Variants in SLC30A9 observed in about 807,000 individuals in gnomAD.
SLC30A9 encodes proton-coupled zinc antiporter SLC30A9, mitochondrial.
Under a neutral mutation model 87.5 loss-of-function variants are expected in SLC30A9, and 58 were observed. The ratio of observed to expected loss-of-function variants is 0.66; its 90% CI spans 0.54 to 0.82. The LOEUF is 0.82. SLC30A9 is among the 40% of genes least tolerant of loss of function. The pLI is 0.00. For missense variants in SLC30A9, 557 were observed against 679.1 expected (o/e 0.82, Z 2.00); for synonymous variants, 234 against 233.0 (o/e 1.00, Z -0.04).
chr4:41,999,964 G>A (rs1714906335), intron 1 of SLC30A9, among the ~76,000 whole-genome samples: 1 of 152,008 alleles, frequency 6.6e-6, no homozygotes, highest in Non-Finnish European at 1.5e-5. Context: ...ATTAATATTG[G>A]TGCAGGTAGA....
In SLC30A9 at chr4:41,991,327, C is replaced by A. The variant is rs568388199; in HGVS notation, c.109+567C>A. Among the ~76,000 whole-genome samples, 6 of 152,372 alleles carry A rather than the reference C, an allele frequency of 3.9e-5. No homozygotes were observed. In the South Asian group the frequency reaches 1.2e-3, roughly 32 times the overall value. ...GGGTCCGAAAAACAAAGAAACTCTT[C>A]AGTTCGGCTGAGCAGTCTTTTTGGT... On this transcript the variant is annotated intron_variant, in intron 1 of 17. Coordinates refer to ENST00000264451, the MANE Select transcript of SLC30A9 (RefSeq NM_006345.4).
rs1241650966 is a variant in SLC30A9 at position 42,086,936 on chromosome 4, G to A, written c.*810G>A. ...GTACCATAATGTTTATTTACTGGAA[G>A]ATAATGCATTTATAAGCATTTTAAA... On this transcript the variant is annotated 3_prime_UTR_variant, in exon 18 of 18. Coordinates refer to ENST00000264451, the MANE Select transcript of SLC30A9 (RefSeq NM_006345.4). 6.6e-6 allele frequency: 1 copy of A among 152,080 alleles called. No individual in the cohort carries two copies. The highest frequency in any genetic ancestry group is 1.5e-5 in the Non-Finnish European group (1 of 68,006). The allele number at this position is 152,080 out of a possible 1,614,324, so 9.4% of individuals were successfully genotyped here.
At chr4:41,999,271 A>T (rs915630151) in intron 1 of SLC30A9, among the ~76,000 whole-genome samples, 11 of 152,344 alleles carry the variant, frequency 7.2e-5, no homozygotes, top group African/African-American at 1.9e-4. Flanking sequence ...TGACTTTCCT[A>T]TATGAACTAC....
chr4:42,066,790 G>C (rs1271939642), intron 13 of SLC30A9, among the ~76,000 whole-genome samples, 169 bp downstream of exon 13: 3 of 152,104 alleles, frequency 2.0e-5, no homozygotes, highest in Non-Finnish European at 4.4e-5. Flanking sequence ...ATGTAGTATA[G>C]AAATTTGAAC....
intron 9 of SLC30A9, among the ~76,000 whole-genome samples, chr4:42,055,738 C>T (rs1015514812): frequency 6.6e-6 from 1 of 152,196 alleles, no homozygotes. Flanking sequence ...ATGGTTCTTT[C>T]TCTGTCTTCT....
chr4:42,033,855 A>G (rs147602224), intron 6 of SLC30A9, among the ~76,000 whole-genome samples: 2,660 of 152,292 alleles, frequency 0.017, 28 homozygotes, highest in African/African-American at 0.027. Context: ...GATTACAGGC[A>G]TGAGCCACCG....
chr4:42,065,051 A>G (rs2153140098), intron 11 of SLC30A9, among the ~76,000 whole-genome samples: 1 of 152,306 alleles, frequency 6.6e-6, no homozygotes, highest in African/African-American at 2.4e-5. Context: ...TTTTCTTGGT[A>G]TTAGGCATGG....
intron 14 of SLC30A9, among the ~76,000 whole-genome samples, chr4:42,067,728 C>G (rs1718138508): frequency 6.6e-6 from 1 of 152,186 alleles, no homozygotes; most frequent in Non-Finnish European, 1.5e-5. Context: ...TTTCTTTGGG[C>G]ACCCCAACTT....
chr4:42,017,821 A>G (rs1030318385), intron 2 of SLC30A9, among the ~76,000 whole-genome samples: 9 of 152,092 alleles, frequency 5.9e-5, no homozygotes, highest in Non-Finnish European at 1.3e-4. Flanking sequence ...AGAAATTCCT[A>G]TTTGTCCTAA....
intron 17 of SLC30A9, among the ~76,000 whole-genome samples, chr4:42,083,100 T>C (rs1422720231): frequency 2.0e-5 from 3 of 152,192 alleles, no homozygotes; most frequent in African/African-American, 7.2e-5. Context: ...TAATGGAAAT[T>C]AGTTCATTGG....
chr4:42,026,799 C>A (rs1378812575), intron 6 of SLC30A9, among the ~76,000 whole-genome samples: 1 of 150,830 alleles, frequency 6.6e-6, no homozygotes, highest in Non-Finnish European at 1.5e-5. Flanking sequence ...ACTGCCAGTT[C>A]ATTTTAATCT....
At chr4:42,010,989 A>G (rs908714512) in intron 2 of SLC30A9, among the ~76,000 whole-genome samples, 3 of 152,156 alleles carry the variant, frequency 2.0e-5, no homozygotes, top group African/African-American at 7.2e-5. Flanking sequence ...CCCCCACAGA[A>G]GGAGACTGAA....
chr4:42,007,352 A>T (rs904196813), intron 2 of SLC30A9, among the ~76,000 whole-genome samples: 6 of 152,184 alleles, frequency 3.9e-5, no homozygotes, highest in African/African-American at 9.6e-5. Flanking sequence ...CTTGGTTTGC[A>T]CATCTGAATT....
At chr4:42,037,700 C>T (rs1716748264) in intron 7 of SLC30A9, among the ~76,000 whole-genome samples, 1 of 152,084 alleles carries the variant, frequency 6.6e-6, no homozygotes, top group African/African-American at 2.4e-5. Flanking sequence ...ATTGGCTATC[C>T]AGTTTCATTA....
At chr4:42,017,032 G>A (rs1260183244) in intron 2 of SLC30A9, among the ~76,000 whole-genome samples, 1 of 152,070 alleles carries the variant, frequency 6.6e-6, no homozygotes, top group Non-Finnish European at 1.5e-5. Context: ...GTTTACCAAG[G>A]TATTGTGCCC....
At chr4:42,060,467 C>T (rs943994115) in intron 10 of SLC30A9, among the ~76,000 whole-genome samples, 6 of 152,062 alleles carry the variant, frequency 3.9e-5, no homozygotes, top group Non-Finnish European at 5.9e-5. Flanking sequence ...CTTTGTAGCA[C>T]GGCATGGAGA....
At chr4:42,020,105 G>T (rs1266711702) in intron 3 of SLC30A9, among the ~76,000 whole-genome samples, 7 of 151,948 alleles carry the variant, frequency 4.6e-5, no homozygotes, top group Non-Finnish European at 2.9e-5. Context: ...TTTTCATTTA[G>T]ACCCTAAGCA....
At chr4:42,017,968 C>A in intron 2 of SLC30A9, 143 bp from the exon 3 acceptor site, 1 of 536,344 alleles carries the variant, frequency 1.9e-6, no homozygotes. Context: ...TTTAACTACT[C>A]TTACATTCTT....
intron 8 of SLC30A9, among the ~76,000 whole-genome samples, chr4:42,040,902 C>T (rs2153137596): frequency 6.6e-6 from 1 of 151,888 alleles, no homozygotes; most frequent in Non-Finnish European, 1.5e-5. Context: ...GTGTATTAGT[C>T]CATTTTCACG....
Sources: gnomAD v4.1 joint callset for allele counts (sites outside exome capture counted in the v4.1 genomes callset) on GRCh38, gnomAD v4.1.1 for gene constraint, MANE v1.5 for transcripts, NCBI Gene and HGNC (gene_info 2026-07-23, HGNC 2026-07-21) for gene names.